The following PPM1E variants were observed in gnomAD, a reference collection of about 807,000 sequenced individuals.
PPM1E encodes the protein protein phosphatase, Mg2+/Mn2+ dependent 1E.
Under a neutral mutation model 65.9 loss-of-function variants are expected in PPM1E, and 20 were observed. That is an observed-to-expected ratio of 0.30 (90% CI 0.21 to 0.44). The LOEUF (loss-of-function observed/expected upper bound fraction) is 0.44, where lower values mean the gene tolerates loss of function less well. PPM1E is among the 20% of genes least tolerant of loss of function. PPM1E has a pLI of 1.00. For synonymous variants in PPM1E, 352 were observed against 374.9 expected (o/e 0.94, Z 0.70); for missense variants, 713 against 953.1 (o/e 0.75, Z 3.32).
chr17:58,865,900 C>T (rs1416057706), intron 1 of PPM1E, among the ~76,000 whole-genome samples: 3 of 152,160 alleles, frequency 2.0e-5, no homozygotes, highest in Non-Finnish European at 1.5e-5. Context: ...ATCTAAACAG[C>T]ATTATTTGCT....
intron 1 of PPM1E, among the ~76,000 whole-genome samples, chr17:58,807,236 A>G (rs1337399210): frequency 1.3e-5 from 2 of 152,198 alleles, no homozygotes; most frequent in Non-Finnish European, 2.9e-5. Flanking sequence ...TTTTAAAAAG[A>G]AAATGTTTTA....
intron 1 of PPM1E, among the ~76,000 whole-genome samples, chr17:58,950,904 C>A (rs1264459236): frequency 6.6e-6 from 1 of 151,522 alleles, no homozygotes. Context: ...TCAGCCTCCC[C>A]AGTAGCTGGG....
intron 1 of PPM1E, among the ~76,000 whole-genome samples, chr17:58,805,287 G>A (rs1461310000): frequency 3.3e-5 from 5 of 151,854 alleles, no homozygotes; most frequent in Admixed American, 2.6e-4. Context: ...TTTCACTCTC[G>A]TTGCCCAGGC....
At chr17:58,869,534 GCTCCCCTTC>G (rs1435229008) in intron 1 of PPM1E, among the ~76,000 whole-genome samples, 1 of 152,140 alleles carries the variant, frequency 6.6e-6, no homozygotes, top group Non-Finnish European at 1.5e-5. Flanking sequence ...CTGCACACCA[GCTCCCCTTC>G]TCCTTCTGCC....
At position 58,980,804 on chromosome 17, in the gene PPM1E, T is replaced by C; in HGVS notation, c.2041T>C (p.Phe681Leu). ...RHHYSKKWHR[F>L]RFNPKFYSFL... ...CCACTACTCAAAGAAGTGGCACAGA[T>C]TCAGGTTTAATCCAAAGTTTTATTC... Residue 681 changes from phenylalanine (F) to leucine (L), a missense_variant, in exon 7 of 7, where the codon TTC becomes CTC. By Grantham distance (22) the Phe-to-Leu change is conservative. This residue lies in a region of PPM1E where 286 missense variants were observed against 313.8 expected (regional missense o/e 0.91). Coordinates refer to ENST00000308249, the MANE Select transcript of PPM1E (RefSeq NM_014906.5). The surrounding 1 kb of genome is among the most constrained non-coding windows in gnomAD (Gnocchi z 4.7). 1 of 1,614,166 alleles carries C rather than the reference T, an allele frequency of 6.2e-7. No homozygotes were observed. The highest frequency in any genetic ancestry group is 1.1e-5 in the South Asian group (1 of 91,082).
chr17:58,928,378 A>ATAT (rs748749690), intron 1 of PPM1E, among the ~76,000 whole-genome samples: 9 of 151,934 alleles, frequency 5.9e-5, no homozygotes, highest in Non-Finnish European at 1.0e-4. Context: ...TATCTATTAT[A>ATAT]TATTATATTA....
chr17:58,914,036 G>A (rs116380450), intron 1 of PPM1E, among the ~76,000 whole-genome samples: 2,983 of 152,012 alleles, frequency 0.02, 90 homozygotes, highest in African/African-American at 0.068. Context: ...AGTTCATTCC[G>A]CCCAGGAATG....
intron 2 of PPM1E, among the ~76,000 whole-genome samples, chr17:58,965,396 G>A (rs2030190863): frequency 6.6e-6 from 1 of 152,068 alleles, no homozygotes; most frequent in Admixed American, 6.6e-5. Flanking sequence ...GGAGCAGTGT[G>A]GTGAGAGCAT....
At position 58,794,188 on chromosome 17, in the gene PPM1E, G is replaced by A. The variant is rs543493967; in HGVS notation, c.464+37727G>A. 3.2e-4 allele frequency among the ~76,000 whole-genome samples: 48 copies of A among 151,962 alleles called. 1 individual carries two copies. Among genetic ancestry groups the A allele is most frequent in the African/African-American group, 1.1e-3 (46 of 41,478 alleles). ...ATAAACTCCTGACTTCAGGTGATCC[G>A]CCCACCTCAGCCTCCCAAAGTGCTG... On this transcript the variant is annotated intron_variant, in intron 1 of 6. Coordinates refer to ENST00000308249, the MANE Select transcript of PPM1E (RefSeq NM_014906.5).
intron 1 of PPM1E, among the ~76,000 whole-genome samples, chr17:58,845,043 CT>C (rs2050757408): frequency 6.6e-6 from 1 of 152,202 alleles, no homozygotes; most frequent in South Asian, 2.1e-4. Flanking sequence ...GGCATAGTCA[CT>C]TTCCTCCATT....
rs189992551 is a variant in PPM1E at position 58,921,807 on chromosome 17, G to A, written c.465-33842G>A. Among the ~76,000 whole-genome samples, 6 of 152,136 alleles carry A rather than the reference G, an allele frequency of 3.9e-5. No individual in the cohort carries two copies. In the East Asian group the frequency reaches 7.7e-4, roughly 20 times the overall value. ...TGTAATCCCAGCACTTTGGGAGGCC[G>A]AGGTGGGTGGATTGTCTGAGGTCAG... is the stretch of plus-strand genomic sequence containing the variant. On this transcript the variant is annotated intron_variant, in intron 1 of 6. Coordinates refer to ENST00000308249, the MANE Select transcript of PPM1E (RefSeq NM_014906.5).
rs980535079 is a variant in PPM1E, at chr17:58,798,230, G to GTTTT, written c.464+41782_464+41785dup. Among the ~76,000 whole-genome samples the GTTTT allele has an allele frequency of 5.2e-4, 68 of 130,026 alleles. 1 individual carries two copies. Among genetic ancestry groups the GTTTT allele is most frequent in the South Asian group, 1.5e-3 (6 of 4,076 alleles). 85.3% of individuals were successfully genotyped at this position (130,026 alleles called of 152,430 possible). A position where few individuals can be genotyped will look rare whatever the true frequency, so the allele number is the denominator to read the frequency against. On this transcript the variant is annotated intron_variant, in intron 1 of 6. Transcript: ENST00000308249. Reference sequence around the variant, plus strand: ...TCTGTGTGAATTACGTTTTTTGTTTGTTTTTTTTTTTTTTTTGAGACGAAG... The same window carrying GTTTT: ...TCTGTGTGAATTACGTTTTTTGTTTGTTTTTTTTTTTTTTTTTTTTGAGACGAAG...
chr17:58,766,265 G>A (rs1286573768), intron 1 of PPM1E, among the ~76,000 whole-genome samples: 7 of 118,474 alleles, frequency 5.9e-5, no homozygotes, highest in African/African-American at 1.6e-4. Flanking sequence ...GCAGTGGCAC[G>A]ATCTCGGCTC....
At chr17:58,937,970 G>T (rs189123206) in intron 1 of PPM1E, among the ~76,000 whole-genome samples, 5 of 151,676 alleles carry the variant, frequency 3.3e-5, no homozygotes, top group Non-Finnish European at 5.9e-5. Context: ...TGGATTCACT[G>T]CAAGGATTGA....
In PPM1E at chr17:58,786,205, G is replaced by A. The variant is rs180745754; in HGVS notation, c.464+29744G>A. Among the ~76,000 whole-genome samples, 526 of 151,902 alleles carry A rather than the reference G, an allele frequency of 3.5e-3. 6 individuals carry two copies. Among genetic ancestry groups the A allele is most frequent in the African/African-American group, 0.012 (510 of 41,420 alleles). ...AATTTTTTGTATTTTTAGTAGAGAC[G>A]GGGTTTCACCATGTTAGCCAGGATG... On this transcript the variant is annotated intron_variant, in intron 1 of 6. Coordinates refer to ENST00000308249, the MANE Select transcript of PPM1E (RefSeq NM_014906.5).
At chr17:58,847,277 A>G (rs1253276623) in intron 1 of PPM1E, among the ~76,000 whole-genome samples, 1 of 152,130 alleles carries the variant, frequency 6.6e-6, no homozygotes, top group Non-Finnish European at 1.5e-5. Flanking sequence ...TAGTTTAATT[A>G]GATCCCATTT....
chr17:58,935,084 C>G (rs920585672), intron 1 of PPM1E, among the ~76,000 whole-genome samples: 4 of 151,588 alleles, frequency 2.6e-5, no homozygotes, highest in African/African-American at 9.7e-5. Flanking sequence ...AACCCCGTCT[C>G]TACTAAAAAT....
intron 1 of PPM1E, among the ~76,000 whole-genome samples, chr17:58,789,277 C>G (rs936909011): frequency 2.0e-5 from 3 of 152,194 alleles, no homozygotes; most frequent in African/African-American, 7.2e-5. Context: ...TGTTCCACAT[C>G]AAATAGCACC....
chr17:58,777,909 A>G (rs1481897931), intron 1 of PPM1E, among the ~76,000 whole-genome samples: 1 of 152,206 alleles, frequency 6.6e-6, no homozygotes, highest in Non-Finnish European at 1.5e-5. Context: ...GTGGCAAAAT[A>G]TACATCACTT....
Sources: allele counts gnomAD v4.1 joint callset (sites outside exome capture counted in the v4.1 genomes callset), GRCh38; gene constraint gnomAD v4.1.1; regional missense constraint gnomAD v4.1.1; non-coding constraint Gnocchi (gnomAD v3.1); transcripts MANE v1.5; gene names NCBI Gene and HGNC (gene_info 2026-07-23, HGNC 2026-07-21).